Variants in ZFYVE9 observed in about 807,000 individuals in gnomAD.
ZFYVE9 encodes zinc finger FYVE domain-containing protein 9.
In ZFYVE9, 43 loss-of-function variants were observed where a neutral mutation model predicts 126.7. That is an observed-to-expected ratio of 0.34 (90% CI 0.27 to 0.44). The LOEUF (loss-of-function observed/expected upper bound fraction) is 0.44. Among genes scored for constraint, ZFYVE9 ranks in the 20% least tolerant of loss-of-function variants. The pLI is 1.00. For synonymous variants in ZFYVE9, 521 were observed against 597.4 expected, an observed-to-expected ratio of 0.87 and a Z score of 1.87; for missense variants, 1,476 against 1,697.0, an observed-to-expected ratio of 0.87 and a Z score of 2.29.
Position 52,268,562 on chromosome 1 carries a change from C to T in ZFYVE9, c.2555C>T (p.Ser852Phe). 2.5e-6 allele frequency: 4 copies of T among 1,614,186 alleles called. No individual in the cohort carries two copies. The highest frequency in any genetic ancestry group is 2.5e-6 in the Non-Finnish European group (3 of 1,180,020). The change falls in exon 7 of 19, where the codon TCC (serine) becomes TTC (phenylalanine). Residue 852 changes from serine to phenylalanine, a missense_variant. Ser to Phe is a radical substitution (Grantham distance 155). This residue lies in a region of ZFYVE9 where 669 missense variants were observed against 902.4 expected (regional missense o/e 0.74). Transcript: ENST00000287727. ...GCCAAATTAACAATGAATGGAACTT[C>T]CTCTGCAGGAACCCTGGCTGTGTCA... ...DAAKLTMNGT[S>F]SAGTLAVSHD...
intron 13 of ZFYVE9, among the ~76,000 whole-genome samples, chr1:52,329,748 A>C (rs779193829): frequency 8.5e-5 from 13 of 152,152 alleles, no homozygotes; most frequent in Admixed American, 3.3e-4. Flanking sequence ...TACTAAAAAT[A>C]CAAAAAATTA....
chr1:52,253,098 G>A (rs1645468365), intron 4 of ZFYVE9, among the ~76,000 whole-genome samples: 1 of 152,122 alleles, frequency 6.6e-6, no homozygotes, highest in Admixed American at 6.5e-5. Flanking sequence ...AGGCTGCAGT[G>A]AGCTGTGCTC....
At chr1:52,147,407 C>T (rs1482252275) in intron 1 of ZFYVE9, among the ~76,000 whole-genome samples, 1 of 152,104 alleles carries the variant, frequency 6.6e-6, no homozygotes, top group Non-Finnish European at 1.5e-5. Context: ...CCAGGATCTC[C>T]CTAATCCTCC....
chr1:52,287,722 A>G (rs1303254237), intron 10 of ZFYVE9, among the ~76,000 whole-genome samples: 1 of 151,110 alleles, frequency 6.6e-6, no homozygotes, highest in Non-Finnish European at 1.5e-5. Context: ...AAAATTAACT[A>G]GGCCTAATGG....
rs56300233 is a variant in ZFYVE9 at position 52,148,947 on chromosome 1, A to ATTTT, written c.-143+6576_-143+6579dup. ...AGCCACTGTTCCCAGCCTTAACATG[A>ATTTT]TTTTTTTTTTTTTTTTTTTTTTTTT... On this transcript the variant is annotated intron_variant, in intron 1 of 18. Coordinates refer to ENST00000287727, the MANE Select transcript of ZFYVE9 (RefSeq NM_004799.4). 3.9e-3 allele frequency among the ~76,000 whole-genome samples: 135 copies of ATTTT among 34,278 alleles called. 4 individuals are homozygous for ATTTT. Among genetic ancestry groups the ATTTT allele is most frequent in the Non-Finnish European group, 5.5e-3 (96 of 17,410 alleles). The allele number at this position is 34,278 out of a possible 152,430, so 22.5% of individuals were successfully genotyped here.
rs537480457 is a variant in ZFYVE9, at chr1:52,173,896, T to C, written c.-143+31493T>C. Among the ~76,000 whole-genome samples, 228 of 152,262 alleles carry C rather than the reference T, an allele frequency of 1.5e-3. 2 individuals are homozygous for C. Among genetic ancestry groups the C allele is most frequent in the South Asian group, 0.013 (63 of 4,826 alleles). Reference sequence around the variant, plus strand: ...TGTCTATTTGATTCTTCCCTCTTTTTTTCTTTGTTAGTCTTGCTAGCGGTC... The same window carrying C: ...TGTCTATTTGATTCTTCCCTCTTTTCTTCTTTGTTAGTCTTGCTAGCGGTC... On this transcript the variant is annotated intron_variant, in intron 1 of 18. Coordinates refer to ENST00000287727, the MANE Select transcript of ZFYVE9 (RefSeq NM_004799.4).
At chr1:52,289,518 T>G (rs1395958032) in intron 10 of ZFYVE9, among the ~76,000 whole-genome samples, 6 of 152,228 alleles carry the variant, frequency 3.9e-5, no homozygotes, top group Non-Finnish European at 7.3e-5. Context: ...TTCACTAGTA[T>G]TGGGGTATAT....
intron 4 of ZFYVE9, among the ~76,000 whole-genome samples, chr1:52,256,476 A>C (rs1210111292): frequency 6.6e-6 from 1 of 150,920 alleles, no homozygotes; most frequent in East Asian, 1.9e-4. Flanking sequence ...TCCCAGGTTT[A>C]AGCAATTTTC....
chr1:52,322,658 G>C (rs1646252334), intron 13 of ZFYVE9, among the ~76,000 whole-genome samples: 1 of 151,958 alleles, frequency 6.6e-6, no homozygotes, highest in Non-Finnish European at 1.5e-5. Context: ...TTACAGGAGT[G>C]AGCCACCATG....
At chr1:52,158,278 T>TAAA (rs1644421515) in intron 1 of ZFYVE9, among the ~76,000 whole-genome samples, 1 of 152,232 alleles carries the variant, frequency 6.6e-6, no homozygotes, top group East Asian at 1.9e-4. Flanking sequence ...CTTGCCATTC[T>TAAA]TTTGGGGATT....
At chr1:52,280,329 G>A (rs940543645) in intron 9 of ZFYVE9, among the ~76,000 whole-genome samples, 7 of 150,038 alleles carry the variant, frequency 4.7e-5, no homozygotes, top group East Asian at 1.9e-4. Context: ...GCAGTGAGCC[G>A]AGATCATGAC....
chr1:52,310,937 C>T (rs1227233743), intron 13 of ZFYVE9, among the ~76,000 whole-genome samples: 2 of 152,190 alleles, frequency 1.3e-5, no homozygotes, highest in African/African-American at 4.8e-5. Context: ...GTGGTGTAAT[C>T]GTAGCTCACT....
At chr1:52,225,426 C>G (rs1645161280) in intron 2 of ZFYVE9, among the ~76,000 whole-genome samples, 1 of 152,212 alleles carries the variant, frequency 6.6e-6, no homozygotes, top group South Asian at 2.1e-4. Flanking sequence ...GAAGTTTTCT[C>G]AGCAAGGAAC....
intron 1 of ZFYVE9, among the ~76,000 whole-genome samples, chr1:52,154,701 CTA>C (rs1644385708): frequency 6.6e-6 from 1 of 152,156 alleles, no homozygotes; most frequent in South Asian, 2.1e-4. Context: ...GCCCGTGAGT[CTA>C]TATATTCTCA....
intron 1 of ZFYVE9, among the ~76,000 whole-genome samples, chr1:52,167,579 G>A (rs1301365837): frequency 1.3e-5 from 2 of 152,126 alleles, no homozygotes; most frequent in Non-Finnish European, 2.9e-5. Context: ...ACCGTCACTT[G>A]TAGAGTACAA....
intron 4 of ZFYVE9, 76 bp from the exon 5 acceptor site, chr1:52,263,697 G>T (rs1645603550): frequency 4.3e-6 from 3 of 692,430 alleles, no homozygotes; most frequent in Non-Finnish European, 4.8e-6. Context: ...ATCAGTGTTT[G>T]TCAATATTGG....
At chr1:52,224,984 A>G (rs889918871) in intron 2 of ZFYVE9, among the ~76,000 whole-genome samples, 5 of 151,918 alleles carry the variant, frequency 3.3e-5, no homozygotes, top group African/African-American at 4.8e-5. Context: ...GGTTGGTGTA[A>G]TCCCCTGACT....
intron 15 of ZFYVE9, among the ~76,000 whole-genome samples, chr1:52,337,419 T>C (rs929026257): frequency 6.6e-6 from 1 of 152,222 alleles, no homozygotes; most frequent in Admixed American, 6.5e-5. Flanking sequence ...GTGAGAGAGA[T>C]GGAGATGCAA....
At chr1:52,284,136 C>T (rs1645831477) in intron 10 of ZFYVE9, among the ~76,000 whole-genome samples, 1 of 152,064 alleles carries the variant, frequency 6.6e-6, no homozygotes, top group African/African-American at 2.4e-5. Context: ...ACAGATTTGG[C>T]AGAGGTAAGG....
Sources: gnomAD v4.1 joint callset for allele counts (sites outside exome capture counted in the v4.1 genomes callset) on GRCh38, gnomAD v4.1.1 for gene constraint, gnomAD v4.1.1 regional missense constraint, MANE v1.5 for transcripts, NCBI Gene and HGNC (gene_info 2026-07-23, HGNC 2026-07-21) for gene names.